Variants in PCDHGB2 observed in about 807,000 individuals in gnomAD.
PCDHGB2 encodes the protein protocadherin gamma subfamily B, 2, also known as protocadherin gamma-B2.
A neutral mutation model predicts 59.3 loss-of-function variants in PCDHGB2; 55 were observed. The ratio of observed to expected loss-of-function variants is 0.93; its 90% CI spans 0.75 to 1.16. The LOEUF is 1.16. Among genes scored for constraint, PCDHGB2 ranks in the 50% most tolerant of loss-of-function variants. The pLI is 0.00. For synonymous variants in PCDHGB2, 516 were observed against 512.0 expected (o/e 1.01, Z -0.11); for missense variants, 1,228 against 1,198.5 (o/e 1.02, Z -0.36).
At chr5:141,478,143 A>G (rs759384540) in intron 1 of PCDHGB2, 72 of 1,614,014 alleles carry the variant, frequency 4.5e-5, no homozygotes, top group Middle Eastern at 3.3e-4. Context: ...GCCCGAGCCG[A>G]GTTCCCCTCT....
intron 2 of PCDHGB2, among the ~76,000 whole-genome samples, chr5:141,497,920 C>T (rs548251626): frequency 6.6e-6 from 1 of 152,336 alleles, no homozygotes; most frequent in East Asian, 1.9e-4. Flanking sequence ...CTCCTTCATT[C>T]ATTCAACAAA....
At chr5:141,410,393 C>G in intron 1 of PCDHGB2, 3 of 1,614,046 alleles carry the variant, frequency 1.9e-6, no homozygotes, top group Non-Finnish European at 2.5e-6. Flanking sequence ...CCATCCTGGT[C>G]TCTGTGTCAA....
intron 1 of PCDHGB2, chr5:141,399,783 C>T: frequency 6.2e-7 from 1 of 1,613,300 alleles, no homozygotes; most frequent in Non-Finnish European, 8.5e-7. Context: ...GCGACCGAAA[C>T]GACAACGCAC....
intron 1 of PCDHGB2, among the ~76,000 whole-genome samples, chr5:141,448,796 T>G (rs1268643310): frequency 1.0e-4 from 15 of 150,106 alleles, no homozygotes; most frequent in Admixed American, 4.0e-4. Context: ...AAAAAAAAAA[T>G]TAGCCAGGCG....
intron 1 of PCDHGB2, chr5:141,387,709 A>G: frequency 2.0e-6 from 2 of 1,008,632 alleles, no homozygotes; most frequent in Non-Finnish European, 2.9e-6. Context: ...GGGCAGCCCC[A>G]GCTCAGACTC....
chr5:141,496,276 G>C (rs1189269883), intron 2 of PCDHGB2, among the ~76,000 whole-genome samples: 1 of 152,204 alleles, frequency 6.6e-6, no homozygotes, highest in Admixed American at 6.5e-5. Flanking sequence ...AAGACCTTCA[G>C]TTGGTCTGAG....
At chr5:141,414,763 C>G in intron 1 of PCDHGB2, 1 of 1,614,258 alleles carries the variant, frequency 6.2e-7, no homozygotes, top group South Asian at 1.1e-5. Flanking sequence ...TGAGCAGTTT[C>G]ATGAGCTACA....
At chr5:141,408,901 G>T (rs529239605) in intron 1 of PCDHGB2, 2 of 1,613,100 alleles carry the variant, frequency 1.2e-6, no homozygotes, top group African/African-American at 2.7e-5. Flanking sequence ...TTTCTGTCAA[G>T]GATACCAATG....
At chr5:141,484,451 T>G (rs2099596635) in intron 1 of PCDHGB2, among the ~76,000 whole-genome samples, 2 of 152,264 alleles carry the variant, frequency 1.3e-5, no homozygotes, top group South Asian at 4.1e-4. Flanking sequence ...TTTAATTGGC[T>G]ACGTTAATGT....
chr5:141,362,634 T>G, intron 1 of PCDHGB2, 78 bp downstream of exon 1: 1 of 1,484,528 alleles, frequency 6.7e-7, no homozygotes, highest in East Asian at 2.4e-5. Context: ...ACTGCGTATT[T>G]CTTTGTCTGT....
At chr5:141,400,777 T>G (rs2094073733) in intron 1 of PCDHGB2, 1 of 565,634 alleles carries the variant, frequency 1.8e-6, no homozygotes. Context: ...ATTTGGTGCG[T>G]TTTTTTGTCC....
rs182905441 is a variant in PCDHGB2, at chr5:141,450,871, C to A, written c.2422-43936C>A. Among the ~76,000 whole-genome samples, 581 of 149,672 alleles carry A rather than the reference C, an allele frequency of 3.9e-3. 6 individuals carry two copies. Among genetic ancestry groups the A allele is most frequent in the Admixed American group, 0.011 (168 of 14,998 alleles). ...ATGGGGTCTTGCTCTGTCACCCAGGCTGGTGTGCAGTGGTGCGATATCGGC... is the reference window on the plus strand; with the variant it reads ...ATGGGGTCTTGCTCTGTCACCCAGGATGGTGTGCAGTGGTGCGATATCGGC... On this transcript the variant is annotated intron_variant, in intron 1 of 3. Coordinates refer to ENST00000522605, the MANE Select transcript of PCDHGB2 (RefSeq NM_018923.3).
chr5:141,370,397 G>A (rs752574370), intron 1 of PCDHGB2: 2 of 1,549,034 alleles, frequency 1.3e-6, no homozygotes, highest in African/African-American at 2.8e-5. Context: ...AGAGCGGGAT[G>A]GGAAATAGCT....
chr5:141,384,491 G>A (rs1370590293), intron 1 of PCDHGB2: 7 of 1,614,160 alleles, frequency 4.3e-6, no homozygotes, highest in East Asian at 4.5e-5. Flanking sequence ...CTACAACTAA[G>A]AGTGACTGCA....
intron 1 of PCDHGB2, chr5:141,419,829 C>G (rs748734266): frequency 6.2e-7 from 1 of 1,614,072 alleles, no homozygotes; most frequent in Admixed American, 1.7e-5. Flanking sequence ...CTTTCAGCCA[C>G]TGCCACGCTG....
intron 1 of PCDHGB2, chr5:141,370,835 C>A: frequency 6.2e-7 from 1 of 1,613,964 alleles, no homozygotes; most frequent in Non-Finnish European, 8.5e-7. Flanking sequence ...AACTGGCTCT[C>A]ACTGGAGCCA....
chr5:141,414,568 A>G (rs1349020199), intron 1 of PCDHGB2: 2 of 1,613,914 alleles, frequency 1.2e-6, no homozygotes, highest in South Asian at 1.1e-5. Context: ...CTTTACCTAT[A>G]TCCCAGAGAA....
At chr5:141,426,678 T>C (rs2096951425) in intron 1 of PCDHGB2, 2 of 431,490 alleles carry the variant, frequency 4.6e-6, no homozygotes, top group Admixed American at 5.1e-5. Flanking sequence ...CCCACCTCAT[T>C]TTCCCCAAAA....
chr5:141,384,221 A>C, intron 1 of PCDHGB2: 1 of 1,613,936 alleles, frequency 6.2e-7, no homozygotes, highest in Non-Finnish European at 8.5e-7. Flanking sequence ...ATATTCATGC[A>C]GGTGGCAGAC....
Sources: gnomAD v4.1 joint callset for allele counts (sites outside exome capture counted in the v4.1 genomes callset) on GRCh38, gnomAD v4.1.1 for gene constraint, MANE v1.5 for transcripts, NCBI Gene and HGNC (gene_info 2026-07-23, HGNC 2026-07-21) for gene names.